Variants in ZEB1 observed in about 807,000 individuals in gnomAD.
ZEB1 encodes zinc finger E-box binding homeobox 1, also known as zinc finger E-box-binding homeobox 1.
ZEB1 carries 21 observed loss-of-function variants against 84.9 expected under a neutral mutation model. The ratio of observed to expected loss-of-function variants is 0.25; its 90% confidence interval spans 0.18 to 0.36. The LOEUF is 0.36. Ranked by LOEUF, ZEB1 falls within the 10% of genes least tolerant of loss-of-function variation. The pLI, the probability that ZEB1 is intolerant of heterozygous loss-of-function variation, is 1.00. For synonymous variants in ZEB1, 420 were observed against 471.1 expected (o/e 0.89, Z 1.41); for missense variants, 1,104 against 1,330.2 (o/e 0.83, Z 2.65).
At chr10:31,408,752 GATT>G (rs1475273710) in intron 1 of ZEB1, among the ~76,000 whole-genome samples, 1 of 148,434 alleles carries the variant, frequency 6.7e-6, no homozygotes, top group Non-Finnish European at 1.5e-5. Flanking sequence ...ATTCAAGATG[GATT>G]AAAGACTTAA....
rs141383453 is a variant in ZEB1, at chr10:31,418,340, G to A, written c.59-42697G>A. 3.1e-3 allele frequency among the ~76,000 whole-genome samples: 475 copies of A among 152,160 alleles called. 2 individuals are homozygous for A. The highest frequency in any genetic ancestry group is 0.014 in the Middle Eastern group (4 of 294). On this transcript the variant is annotated intron_variant, in intron 1 of 8. Transcript: ENST00000424869. Reference sequence around the variant, plus strand: ...AACAAAACACCAAGGGGAGTTGGAAGAAGTCATTTTCCAAGGCCAGAATGT... The same window carrying A: ...AACAAAACACCAAGGGGAGTTGGAAAAAGTCATTTTCCAAGGCCAGAATGT...
At chr10:31,413,101 G>T (rs561203216) in intron 1 of ZEB1, among the ~76,000 whole-genome samples, 10 of 152,170 alleles carry the variant, frequency 6.6e-5, no homozygotes, top group Non-Finnish European at 1.0e-4. Context: ...AGCATTAGAA[G>T]CATTAGTTCT....
intron 2 of ZEB1, among the ~76,000 whole-genome samples, chr10:31,486,443 G>T (rs955100994): frequency 6.6e-6 from 1 of 151,424 alleles, no homozygotes; most frequent in Non-Finnish European, 1.5e-5. Context: ...TTCATAACAG[G>T]TTTGGTTTTC....
chr10:31,502,294 T>G, intron 3 of ZEB1, 54 bp from the exon 4 acceptor site: 1 of 1,568,986 alleles, frequency 6.4e-7, no homozygotes, highest in Non-Finnish European at 8.7e-7. Flanking sequence ...TTAGAAAACC[T>G]TTGTAATAAC....
intron 3 of ZEB1, among the ~76,000 whole-genome samples, chr10:31,499,715 A>G (rs2067831580): frequency 6.6e-6 from 1 of 152,088 alleles, no homozygotes. Context: ...CAGTGAGCCA[A>G]GATCGCGCCA....
chr10:31,344,196 TTAAG>T (rs2039892482), intron 1 of ZEB1, among the ~76,000 whole-genome samples: 1 of 152,094 alleles, frequency 6.6e-6, no homozygotes, highest in African/African-American at 2.4e-5. Flanking sequence ...ACAAATTATA[TTAAG>T]TAAATATATA....
intron 8 of ZEB1, among the ~76,000 whole-genome samples, chr10:31,524,662 A>G (rs943390433): frequency 7.9e-5 from 12 of 151,850 alleles, no homozygotes; most frequent in African/African-American, 2.9e-4. Context: ...TTAAGCTGAC[A>G]CAGCATTTAT....
chr10:31,363,274 G>C (rs1564595587), intron 1 of ZEB1: 4 of 1,533,580 alleles, frequency 2.6e-6, no homozygotes, highest in Non-Finnish European at 3.5e-6. Context: ...GAGCACTGTT[G>C]GAAGTGGGTC....
chr10:31,377,517 C>T (rs2046858716), intron 1 of ZEB1, among the ~76,000 whole-genome samples: 1 of 151,734 alleles, frequency 6.6e-6, no homozygotes, highest in African/African-American at 2.4e-5. Context: ...GAGAGGAATT[C>T]ATTAAGGTGG....
chr10:31,438,176 A>C (rs1409230401), intron 1 of ZEB1, among the ~76,000 whole-genome samples: 2 of 152,224 alleles, frequency 1.3e-5, no homozygotes, highest in Admixed American at 1.3e-4. Flanking sequence ...GTAAGAGAGC[A>C]GCTTCCCTCA....
At chr10:31,499,057 T>G (rs11816364) in intron 3 of ZEB1, among the ~76,000 whole-genome samples, 2,467 of 152,230 alleles carry the variant, frequency 0.016, 65 homozygotes, top group African/African-American at 0.057. Context: ...CAAAAGTTAT[T>G]TGTCAATGAA....
intron 2 of ZEB1, among the ~76,000 whole-genome samples, chr10:31,490,916 G>A (rs1458421016): frequency 1.3e-5 from 2 of 151,720 alleles, no homozygotes; most frequent in Non-Finnish European, 2.9e-5. Flanking sequence ...TATAGGTTTT[G>A]ATTCCACAAC....
chr10:31,521,111 C>G lies in ZEB1; in HGVS notation c.1779C>G (p.Leu593=), dbSNP rs928253612. Residue 593 remains leucine (L), a synonymous_variant, in exon 7 of 9, where the codon CTC becomes CTG. Transcript: ENST00000424869. ...LSPSQPPLKN[L]LSLLKAYYAL... is the part of the protein sequence containing the mutation. The stretch of plus-strand genomic sequence containing the variant: ...CTAGTCAGCCACCTTTAAAGAACCT[C>G]TTGTCTCTCCTAAAAGCATATTATG... 1 of 1,614,110 alleles carries G rather than the reference C, an allele frequency of 6.2e-7. No individual in the cohort carries two copies. Among genetic ancestry groups the G allele is most frequent in the African/African-American group, 1.3e-5 (1 of 75,040 alleles).
intron 5 of ZEB1, among the ~76,000 whole-genome samples, chr10:31,513,370 G>T (rs1311760629): frequency 1.3e-5 from 2 of 152,168 alleles, no homozygotes; most frequent in Non-Finnish European, 2.9e-5. Flanking sequence ...GAGCTGGCTT[G>T]CAGGAGGGAA....
chr10:31,401,058 T>A (rs1301880052), intron 1 of ZEB1, among the ~76,000 whole-genome samples: 1 of 152,188 alleles, frequency 6.6e-6, no homozygotes, highest in Non-Finnish European at 1.5e-5. Context: ...TTACTGTTAT[T>A]AATAATATGG....
At chr10:31,468,479 T>G (rs1311942523) in intron 2 of ZEB1, among the ~76,000 whole-genome samples, 1 of 152,180 alleles carries the variant, frequency 6.6e-6, no homozygotes, top group Non-Finnish European at 1.5e-5. Context: ...TAGGGTGAAC[T>G]GCACAACCCA....
rs549821982 is a variant in ZEB1, at chr10:31,527,334, T to C, written c.*70T>C. 5 of 1,538,750 alleles carry C rather than the reference T, an allele frequency of 3.2e-6. No individual in the cohort carries two copies. In the East Asian group the frequency reaches 9.8e-5, roughly 30 times the overall value. ...CGTTCAATATTATCCTTGCTTTTCA[T>C]GGAAACACAGTAACCTGTATGCTGT... On this transcript the variant is annotated 3_prime_UTR_variant, in exon 9 of 9. Transcript: ENST00000424869.
chr10:31,421,612 T>C (rs925682045), intron 1 of ZEB1, among the ~76,000 whole-genome samples: 1 of 151,964 alleles, frequency 6.6e-6, no homozygotes, highest in Non-Finnish European at 1.5e-5. Context: ...AAAACCCAGC[T>C]TAGGAAAAAA....
Position 31,527,474 on chromosome 10 carries a change from G to C in ZEB1, c.*210G>C, listed in dbSNP as rs1315868214. ...ACACAAAATAAATCCGGGTGTGCCT[G>C]AACCTCAGACCTAGTAATTTTTCAT... is the stretch of plus-strand genomic sequence containing the variant. On this transcript the variant is annotated 3_prime_UTR_variant, in exon 9 of 9. Transcript: ENST00000424869. 1.6e-6 allele frequency: 1 copy of C among 642,172 alleles called. No individual in the cohort carries two copies. The highest frequency in any genetic ancestry group is 2.5e-6 in the Non-Finnish European group (1 of 393,780). The allele number at this position is 642,172 out of a possible 1,614,324, so 39.8% of individuals were successfully genotyped here.
Sources: gnomAD v4.1 joint callset for allele counts (sites outside exome capture counted in the v4.1 genomes callset) on GRCh38, gnomAD v4.1.1 for gene constraint, MANE v1.5 for transcripts, NCBI Gene and HGNC (gene_info 2026-07-23, HGNC 2026-07-21) for gene names.